DACH2: variants seen among roughly 807,000 people sequenced by gnomAD.
DACH2 encodes dachshund family transcription factor 2, also known as dachshund homolog 2.
Under a neutral mutation model 35.8 loss-of-function variants are expected in DACH2, and 17 were observed. That is an observed-to-expected ratio of 0.48 (90% CI 0.33 to 0.71). The LOEUF is 0.71. DACH2 is among the 30% of genes least tolerant of loss of function. DACH2 has a pLI of 0.02. For synonymous variants in DACH2, 195 were observed against 177.3 expected (o/e 1.10, Z -0.79); for missense variants, 469 against 472.7 (o/e 0.99, Z 0.07).
intron 6 of DACH2, among the ~76,000 whole-genome samples, chrX:86,739,145 A>T (rs376141696): frequency 5.4e-5 from 6 of 112,099 alleles, no homozygotes; most frequent in African/African-American, 1.9e-4. Context: ...AAGTGCTGAG[A>T]TTACATGCGT....
chrX:86,341,624 C>A (rs193129264), intron 1 of DACH2, among the ~76,000 whole-genome samples: 1 of 112,066 alleles, frequency 8.9e-6, no homozygotes, highest in African/African-American at 3.2e-5. Flanking sequence ...AAGGCTACAG[C>A]GGCCATAGAT....
At chrX:86,527,234 T>C (rs775192722) in intron 3 of DACH2, among the ~76,000 whole-genome samples, 1 of 111,569 alleles carries the variant, frequency 9.0e-6, no homozygotes, top group Non-Finnish European at 1.9e-5. Context: ...ATGAAATAAA[T>C]TGTACATAGA....
At chrX:86,450,626 T>C (rs1457710648) in intron 2 of DACH2, among the ~76,000 whole-genome samples, 2 of 111,009 alleles carry the variant, frequency 1.8e-5, no homozygotes, top group Admixed American at 9.6e-5. Flanking sequence ...TTCCTGGTTT[T>C]AGGTCTTTGG....
intron 7 of DACH2, among the ~76,000 whole-genome samples, chrX:86,759,515 A>G (rs1038773188): frequency 9.2e-6 from 1 of 108,599 alleles, no homozygotes; most frequent in African/African-American, 3.3e-5. Flanking sequence ...ATGTGTTTAC[A>G]GGTGAGATGA....
At chrX:86,240,780 TTGCTGTTCTCATGATAATTAAG>T (rs1189142087) in intron 1 of DACH2, among the ~76,000 whole-genome samples, 1 of 110,357 alleles carries the variant, frequency 9.1e-6, no homozygotes, top group Admixed American at 9.7e-5. Flanking sequence ...GATTTCCCCC[TTGCTGTTCTCATGATAATTAAG>T]TGTGTTCTCA....
chrX:86,189,804 G>T (rs960141866), intron 1 of DACH2, among the ~76,000 whole-genome samples: 1 of 110,994 alleles, frequency 9.0e-6, no homozygotes, highest in South Asian at 3.8e-4. Context: ...TTACCAGATG[G>T]CCACTCTTTT....
chrX:86,594,493 A>T (rs1277235513), intron 3 of DACH2, among the ~76,000 whole-genome samples: 2 of 112,180 alleles, frequency 1.8e-5, no homozygotes, highest in African/African-American at 6.5e-5. Flanking sequence ...GCATCATTGC[A>T]TCTAATAAAT....
chrX:86,302,437 T>C (rs1460572363), intron 1 of DACH2, among the ~76,000 whole-genome samples: 1 of 111,835 alleles, frequency 8.9e-6, no homozygotes, highest in Admixed American at 9.6e-5. Context: ...AACATTTCCA[T>C]GGGGTAACAG....
chrX:86,436,599 G>A (rs1397031852), intron 2 of DACH2, among the ~76,000 whole-genome samples: 1 of 110,467 alleles, frequency 9.1e-6, no homozygotes, highest in African/African-American at 3.3e-5. Flanking sequence ...TTTGGACTGT[G>A]GTTTTTTTCT....
At chrX:86,599,124 G>A (rs1602685809) in intron 3 of DACH2, among the ~76,000 whole-genome samples, 2 of 111,036 alleles carry the variant, frequency 1.8e-5, no homozygotes, top group East Asian at 2.9e-4. Context: ...CCCTACAAAG[G>A]ACATGAACTC....
At chrX:86,608,194 A>G (rs1313110734) in intron 3 of DACH2, among the ~76,000 whole-genome samples, 6 of 111,524 alleles carry the variant, frequency 5.4e-5, no homozygotes, top group Non-Finnish European at 1.1e-4. Flanking sequence ...CATCAGAGAA[A>G]TGCAAATCAA....
chrX:86,442,299 G>A (rs182321461), intron 2 of DACH2, among the ~76,000 whole-genome samples: 4 of 105,211 alleles, frequency 3.8e-5, no homozygotes, highest in Admixed American at 1.0e-4. Flanking sequence ...GGCCATTCTT[G>A]TGTCTTCTTT....
At chrX:86,396,799 G>A (rs1239758744) in intron 2 of DACH2, among the ~76,000 whole-genome samples, 2 of 110,996 alleles carry the variant, frequency 1.8e-5, no homozygotes, top group Non-Finnish European at 3.8e-5. Flanking sequence ...TAGCCTTGTA[G>A]TATAGTTTGA....
chrX:86,393,939 T>TTCATTA (rs2036239827), intron 2 of DACH2, among the ~76,000 whole-genome samples: 1 of 104,839 alleles, frequency 9.5e-6, no homozygotes, highest in African/African-American at 3.5e-5. Context: ...TGGTAGCTAT[T>TTCATTA]TTATTATTAT....
chrX:86,221,618 G>A (rs2032712931), intron 1 of DACH2, among the ~76,000 whole-genome samples: 1 of 111,812 alleles, frequency 8.9e-6, no homozygotes, highest in Non-Finnish European at 1.9e-5. Flanking sequence ...TTTGATGGGT[G>A]TAACATTAAA....
intron 1 of DACH2, among the ~76,000 whole-genome samples, chrX:86,167,810 G>A (rs1265637158): frequency 9.0e-6 from 1 of 111,269 alleles, no homozygotes; most frequent in Non-Finnish European, 1.9e-5. Flanking sequence ...TGGTCGTTCA[G>A]GAGTATATTG....
intron 3 of DACH2, among the ~76,000 whole-genome samples, chrX:86,639,359 A>T (rs141390788): frequency 8.2e-4 from 92 of 111,714 alleles, no homozygotes; most frequent in Non-Finnish European, 1.1e-3. Flanking sequence ...GTCCTTGTGA[A>T]CCCAGTCCAC....
At chrX:86,257,721 C>G (rs2033549299) in intron 1 of DACH2, among the ~76,000 whole-genome samples, 1 of 112,127 alleles carries the variant, frequency 8.9e-6, no homozygotes, top group African/African-American at 3.2e-5. Context: ...AACTCTTGCT[C>G]TTAATATATA....
At chrX:86,795,232 C>CTTTTTTT (rs35324617) in intron 7 of DACH2, among the ~76,000 whole-genome samples, 1 of 85,180 alleles carries the variant, frequency 1.2e-5, no homozygotes, top group Non-Finnish European at 2.3e-5. Context: ...GAAGCATGTT[C>CTTTTTTT]TTTTTTTTTT....
Sources: allele counts gnomAD v4.1 joint callset (sites outside exome capture counted in the v4.1 genomes callset), GRCh38; gene constraint gnomAD v4.1.1; transcripts MANE v1.5; gene names NCBI Gene and HGNC (gene_info 2026-07-23, HGNC 2026-07-21).